Variants in GRIN3A observed in about 807,000 individuals in gnomAD.
GRIN3A encodes the protein glutamate receptor ionotropic, NMDA 3A.
A neutral mutation model predicts 92.4 loss-of-function variants in GRIN3A; 47 were observed. That is an observed-to-expected ratio of 0.51 (90% CI 0.40 to 0.65). The LOEUF is 0.65. Among genes scored for constraint, GRIN3A ranks in the 30% least tolerant of loss-of-function variants. The probability of loss-of-function intolerance (pLI) is 0.00; values close to 1 mark genes in which losing one functional copy is unlikely to be tolerated. For synonymous variants in GRIN3A, 527 were observed against 540.6 expected (o/e 0.97, Z 0.35); for missense variants, 1,324 against 1,393.1 (o/e 0.95, Z 0.79).
intron 8 of GRIN3A, among the ~76,000 whole-genome samples, chr9:101,574,837 A>G (rs1827807805): frequency 1.3e-5 from 2 of 152,196 alleles, no homozygotes; most frequent in Admixed American, 1.3e-4. Context: ...CAATGTGAAC[A>G]AGTCCAGAAT....
chr9:101,738,302 T>A lies in GRIN3A; in HGVS notation c.-323A>T. 5.2e-6 allele frequency: 2 copies of A among 381,698 alleles called. No individual in the cohort carries two copies. Among genetic ancestry groups the A allele is most frequent in the South Asian group, 5.7e-5 (2 of 35,106 alleles). 23.6% of individuals were successfully genotyped at this position (381,698 alleles called of 1,614,324 possible). On this transcript the variant is annotated 5_prime_UTR_variant, in exon 1 of 9. Transcript: ENST00000361820. ...CTGCCCGCCCCATCTGCAGGGCGCC[T>A]CGGGCACTGCGTCCGGCCCCGCGAG...
At chr9:101,709,971 C>T (rs1219356220) in intron 1 of GRIN3A, among the ~76,000 whole-genome samples, 5 of 152,104 alleles carry the variant, frequency 3.3e-5, no homozygotes, top group Non-Finnish European at 5.9e-5. Flanking sequence ...ATGCCTTGAA[C>T]GTAAACCTAT....
At chr9:101,581,950 A>G (rs1286871057) in intron 6 of GRIN3A, among the ~76,000 whole-genome samples, 1 of 152,220 alleles carries the variant, frequency 6.6e-6, no homozygotes. Flanking sequence ...AAATACTGGT[A>G]TAATCTCCAT....
intron 3 of GRIN3A, among the ~76,000 whole-genome samples, chr9:101,640,725 A>AATGAGTCTCAT (rs1397961264): frequency 2.8e-4 from 42 of 152,246 alleles, no homozygotes; most frequent in African/African-American, 1.0e-3. Flanking sequence ...TGTGATAGTG[A>AATGAGTCTCAT]ATGAGTCTCA....
intron 1 of GRIN3A, among the ~76,000 whole-genome samples, chr9:101,712,294 A>G (rs1204071411): frequency 6.6e-6 from 1 of 152,202 alleles, no homozygotes; most frequent in Non-Finnish European, 1.5e-5. Context: ...AAAACCTAGA[A>G]AGATCTTGAT....
At chr9:101,722,949 T>C (rs927340013) in intron 1 of GRIN3A, among the ~76,000 whole-genome samples, 9 of 152,274 alleles carry the variant, frequency 5.9e-5, no homozygotes, top group Non-Finnish European at 1.5e-5. Context: ...GGTTTTGAAA[T>C]GTGAGGACAT....
chr9:101,718,199 T>C (rs1007531010), intron 1 of GRIN3A, among the ~76,000 whole-genome samples: 1 of 152,310 alleles, frequency 6.6e-6, no homozygotes, highest in East Asian at 1.9e-4. Context: ...CAGGGTTTGG[T>C]CTAGTGAGAG....
At position 101,697,510 on chromosome 9, in the gene GRIN3A, G is replaced by A. The variant is rs369346657; in HGVS notation, c.700-10310C>T. ...GGAAGGTCTACGTGAGCATTGTTAC[G>A]GAATAAGAAATGAAAAAAATGTCTG... On this transcript the variant is annotated intron_variant, in intron 1 of 8. Transcript: ENST00000361820. 5.1e-4 allele frequency among the ~76,000 whole-genome samples: 77 copies of A among 152,074 alleles called. 1 individual carries two copies. Among genetic ancestry groups the A allele is most frequent in the South Asian group, 1.2e-3 (6 of 4,830 alleles).
At chr9:101,734,327 T>C (rs938212493) in intron 1 of GRIN3A, among the ~76,000 whole-genome samples, 7 of 152,190 alleles carry the variant, frequency 4.6e-5, no homozygotes, top group Admixed American at 2.0e-4. Flanking sequence ...AAGTAATCAT[T>C]TTAATAAAAT....
chr9:101,691,467 C>CTTTAATTAA (rs1829617594), intron 1 of GRIN3A, among the ~76,000 whole-genome samples: 1 of 151,958 alleles, frequency 6.6e-6, no homozygotes, highest in Non-Finnish European at 1.5e-5. Flanking sequence ...ACTATACAAG[C>CTTTAATTAA]GTTCTTTAAT....
chr9:101,599,654 T>C (rs1828185646), intron 6 of GRIN3A, among the ~76,000 whole-genome samples: 1 of 151,910 alleles, frequency 6.6e-6, no homozygotes, highest in Non-Finnish European at 1.5e-5. Context: ...CAGCATGTCA[T>C]TTTTTTCCCT....
At chr9:101,644,141 A>G (rs1828902402) in intron 3 of GRIN3A, among the ~76,000 whole-genome samples, 1 of 151,948 alleles carries the variant, frequency 6.6e-6, no homozygotes, top group Non-Finnish European at 1.5e-5. Flanking sequence ...AAATGCATAT[A>G]ATTTTCATTT....
At chr9:101,683,077 AT>A (rs1382001679) in intron 2 of GRIN3A, among the ~76,000 whole-genome samples, 11 of 152,348 alleles carry the variant, frequency 7.2e-5, no homozygotes, top group Non-Finnish European at 7.3e-5. Context: ...TTTTGTCTAC[AT>A]TTAGTTATTA....
Position 101,670,703 on chromosome 9 carries a change from A to G in GRIN3A, c.1709T>C (p.Ile570Thr). ...SLHSSNDTVP[I>T]KFKKCCYGYC... The stretch of plus-strand genomic sequence containing the variant: ...TCCATAGCAGCACTTCTTGAATTTA[A>G]TGGGCACTGTATCATTACTGCTATG... The change falls in exon 3 of 9, where the codon ATT becomes ACT. Residue 570 changes from isoleucine (I) to threonine (T), a missense_variant. Coordinates refer to ENST00000361820, the MANE Select transcript of GRIN3A (RefSeq NM_133445.3). 1 of 1,614,078 alleles carries G rather than the reference A, an allele frequency of 6.2e-7. No individual in the cohort carries two copies. The highest frequency in any genetic ancestry group is 8.5e-7 in the Non-Finnish European group (1 of 1,179,976).
rs35592131 is a variant in GRIN3A at position 101,595,319 on chromosome 9, C to CTTTT, written c.2767-15963_2767-15960dup. 6.3e-4 allele frequency among the ~76,000 whole-genome samples: 93 copies of CTTTT among 146,934 alleles called. 2 individuals are homozygous for CTTTT. Among genetic ancestry groups the CTTTT allele is most frequent in the African/African-American group, 2.1e-3 (83 of 39,924 alleles). On this transcript the variant is annotated intron_variant, in intron 6 of 8. Coordinates refer to ENST00000361820, the MANE Select transcript of GRIN3A (RefSeq NM_133445.3). ...TGGCAATTATTTTATCTACTTATTT[C>CTTTT]TTTTTTTTTTTTCTCTGAGAAAGTA...
intron 1 of GRIN3A, among the ~76,000 whole-genome samples, chr9:101,724,574 G>T (rs1371064241): frequency 1.3e-5 from 2 of 152,232 alleles, no homozygotes; most frequent in African/African-American, 4.8e-5. Context: ...GCGGTGGGCT[G>T]CAGGGCTCCA....
intron 5 of GRIN3A, among the ~76,000 whole-genome samples, chr9:101,620,995 T>C (rs1422068698): frequency 2.6e-5 from 4 of 152,178 alleles, no homozygotes; most frequent in African/African-American, 9.6e-5. Flanking sequence ...AAATGTGAGC[T>C]TTATTATTTA....
intron 6 of GRIN3A, among the ~76,000 whole-genome samples, chr9:101,611,508 C>G (rs112555912): frequency 6.6e-6 from 1 of 152,112 alleles, no homozygotes; most frequent in African/African-American, 2.4e-5. Flanking sequence ...TTTGGGGGTA[C>G]GCTATTTGTC....
chr9:101,593,198 T>C (rs1209498410), intron 6 of GRIN3A: 1 of 152,200 alleles, frequency 6.6e-6, no homozygotes, highest in East Asian at 1.9e-4. Context: ...GCTACCAACA[T>C]GACATAAATG....
Sources: gnomAD v4.1 joint callset for allele counts (sites outside exome capture counted in the v4.1 genomes callset) on GRCh38, gnomAD v4.1.1 for gene constraint, MANE v1.5 for transcripts, NCBI Gene and HGNC (gene_info 2026-07-23, HGNC 2026-07-21) for gene names.